The following GALC variants were observed in gnomAD, a reference collection of about 807,000 sequenced individuals.
GALC encodes the protein galactosylceramidase.
GALC carries 77 observed loss-of-function variants against 91.8 expected under a neutral mutation model. The ratio of observed to expected loss-of-function variants is 0.84; its 90% CI spans 0.70 to 1.01. GALC has a LOEUF of 1.01. Ranked by LOEUF, GALC falls within the 50% of genes least tolerant of loss-of-function variation. The probability of loss-of-function intolerance (pLI) is 0.00; values close to 1 mark genes in which losing one functional copy is unlikely to be tolerated. For missense variants in GALC, 882 were observed against 855.9 expected (o/e 1.03, Z -0.38); for synonymous variants, 357 against 306.7 (o/e 1.16, Z -1.71).
rs1015462273 is a variant in GALC at position 87,949,266 on chromosome 14, C to T, written c.1338+579G>A. On this transcript the variant is annotated intron_variant, in intron 12 of 16. Coordinates refer to ENST00000261304, the MANE Select transcript of GALC (RefSeq NM_000153.4). ...GTAAGTTTAGTATGTGAAGAGAGGCCAGTTTAGTAGGACACATCTCTAGGA... is the reference window on the plus strand; with the variant it reads ...GTAAGTTTAGTATGTGAAGAGAGGCTAGTTTAGTAGGACACATCTCTAGGA... 3.3e-5 allele frequency among the ~76,000 whole-genome samples: 5 copies of T among 151,922 alleles called. No individual in the cohort carries two copies. In the East Asian group the frequency reaches 9.7e-4, roughly 30 times the overall value.
chr14:87,992,541 A>T (rs1238446875), intron 1 of GALC: 2 of 1,524,962 alleles, frequency 1.3e-6, no homozygotes, highest in Non-Finnish European at 1.8e-6. Flanking sequence ...CAGCCAAAGC[A>T]TCCCACTGGG....
rs1256178934 is a variant in GALC, at chr14:87,988,193, G to A, written c.279C>T (p.Ala93=). 1 of 1,613,630 alleles carries A rather than the reference G, an allele frequency of 6.2e-7. No individual in the cohort carries two copies. ...TTTCCACTTTTAAAATATGCAAAGA[G>A]GCACCAAAATTCGGCTGTGAAAAGA... ...LDYLFKPNFG[A]SLHILKVEIG... The change falls in exon 3 of 17, where the codon GCC becomes GCT. Residue 93 remains alanine (A), a synonymous_variant. Transcript: ENST00000261304.
rs1288512171 is a variant in GALC at position 87,933,054 on chromosome 14, G to C, written c.*1678C>G. The C allele has an allele frequency of 6.6e-6, 1 of 152,076 alleles. No homozygotes were observed. Among genetic ancestry groups the C allele is most frequent in the Non-Finnish European group, 1.5e-5 (1 of 68,004 alleles). The allele number at this position is 152,076 out of a possible 1,614,324, so 9.4% of individuals were successfully genotyped here. ...GTTTTAATTGTAGTATCAGAAACTG[G>C]TGGGGAGGAAACAAATTGTGGTATA... On this transcript the variant is annotated 3_prime_UTR_variant, in exon 17 of 17. Transcript: ENST00000261304.
upstream of GALC, chr14:87,993,321 A>C (rs1409552689): frequency 1.3e-6 from 2 of 1,536,222 alleles, no homozygotes; most frequent in Admixed American, 2.0e-5. Flanking sequence ...GAAAAGAAGC[A>C]GCGAGCTTTT....
rs1014536691 is a variant in GALC at position 87,954,739 on chromosome 14, T to A, written c.1162-3991A>T. 3 of 1,563,972 alleles carry A rather than the reference T, an allele frequency of 1.9e-6. No homozygotes were observed. The African/African-American group carries it at 4.1e-5, about 21-fold the overall frequency. On this transcript the variant is annotated intron_variant, in intron 10 of 16. Transcript: ENST00000261304. ...AGAAGATAGCTCTAAATGCTCACAGTTCTCTGAAGAGTATTTCTTTTCTTC... is the reference window on the plus strand; with the variant it reads ...AGAAGATAGCTCTAAATGCTCACAGATCTCTGAAGAGTATTTCTTTTCTTC...
chr14:87,948,546 T>C (rs1885169110), intron 12 of GALC, among the ~76,000 whole-genome samples: 2 of 152,184 alleles, frequency 1.3e-5, no homozygotes, highest in South Asian at 4.1e-4. Context: ...AGTATCAAAG[T>C]TGTTCTATGC....
intron 7 of GALC, 80 bp from the exon 8 acceptor site, chr14:87,968,570 AAAAAT>A: frequency 7.4e-7 from 1 of 1,359,182 alleles, no homozygotes; most frequent in South Asian, 1.2e-5. Flanking sequence ...TTGAGTATAT[AAAAAT>A]ACGAGTCTTC....
intron 1 of GALC, chr14:87,989,704 T>G (rs1238226074): frequency 6.6e-6 from 1 of 152,198 alleles, no homozygotes; most frequent in Non-Finnish European, 1.5e-5. Flanking sequence ...ATAAGTGGTC[T>G]CAGGACATCC....
chr14:87,939,894 G>C lies in GALC; in HGVS notation c.1911+11C>G, dbSNP rs768512189. The C allele has an allele frequency of 3.2e-6, 5 of 1,576,492 alleles. No homozygotes were observed. In the South Asian group the frequency reaches 4.4e-5, roughly 14 times the overall value. ...GCATTTTACCTCCAGACTCCAATCAGCAATACTTACCTTAATAGTTAACGT... is the reference window on the plus strand; with the variant it reads ...GCATTTTACCTCCAGACTCCAATCACCAATACTTACCTTAATAGTTAACGT... On this transcript the variant is annotated intron_variant, in intron 16 of 16. Coordinates refer to ENST00000261304, the MANE Select transcript of GALC (RefSeq NM_000153.4).
At chr14:87,957,575 T>C (rs1322325084) in intron 10 of GALC, among the ~76,000 whole-genome samples, 3 of 152,162 alleles carry the variant, frequency 2.0e-5, no homozygotes, top group Admixed American at 6.5e-5. Context: ...GTTTTAAGTA[T>C]TTGGCTTTAT....
chr14:87,963,258 C>T (rs1885884943), intron 10 of GALC, 126 bp downstream of exon 10: 10 of 997,208 alleles, frequency 1.0e-5, no homozygotes, highest in African/African-American at 1.6e-5. Flanking sequence ...AAATGAAAGC[C>T]ATAAGATCTT....
intron 13 of GALC, among the ~76,000 whole-genome samples, 167 bp downstream of exon 13, chr14:87,947,561 T>C (rs1250184375): frequency 6.6e-6 from 1 of 152,054 alleles, no homozygotes; most frequent in Non-Finnish European, 1.5e-5. Context: ...AGATTTACCA[T>C]AAAGTAATGC....
intron 6 of GALC, among the ~76,000 whole-genome samples, chr14:87,979,361 C>T (rs373773784): frequency 5.3e-5 from 8 of 152,074 alleles, no homozygotes; most frequent in African/African-American, 1.4e-4. Context: ...AACACAGATC[C>T]CAATAAAATC....
At chr14:87,940,855 A>G (rs924399885) in intron 15 of GALC, among the ~76,000 whole-genome samples, 1 of 151,960 alleles carries the variant, frequency 6.6e-6, no homozygotes, top group African/African-American at 2.4e-5. Flanking sequence ...ACACAGTTCA[A>G]TCTGAACATA....
chr14:87,970,023 C>T lies in GALC; in HGVS notation c.753-1533G>A, dbSNP rs182556061. ...AAATCTAGCATCTAACAGGGTTAAG[C>T]AATCATTGTTCTGGAACTATAACGC... On this transcript the variant is annotated intron_variant, in intron 7 of 16. Transcript: ENST00000261304. Among the ~76,000 whole-genome samples, 312 of 152,290 alleles carry T rather than the reference C, an allele frequency of 2.0e-3. 1 individual carries two copies. The highest frequency in any genetic ancestry group is 7.3e-3 in the African/African-American group (304 of 41,576).
At chr14:87,943,763 A>G (rs978609989) in intron 14 of GALC, among the ~76,000 whole-genome samples, 6 of 152,058 alleles carry the variant, frequency 3.9e-5, no homozygotes, top group Non-Finnish European at 7.4e-5. Flanking sequence ...AAGTGGGCAC[A>G]GCAGCCAGAC....
At chr14:87,956,583 A>C (rs1471454659) in intron 10 of GALC, among the ~76,000 whole-genome samples, 1 of 119,522 alleles carries the variant, frequency 8.4e-6, no homozygotes. Flanking sequence ...ATACACACAC[A>C]CCATATATAT....
rs1010692296 is a variant in GALC, at chr14:87,940,764, G to A, written c.1834+631C>T. Among the ~76,000 whole-genome samples, 11 of 151,990 alleles carry A rather than the reference G, an allele frequency of 7.2e-5. No homozygotes were observed. In the South Asian group the frequency reaches 2.3e-3, roughly 31 times the overall value. ...TAAATTAAGGTAAGACGAAAGTCAA[G>A]AGACTGAGAATCAAGAAAAGTCACT... is the stretch of plus-strand genomic sequence containing the variant. On this transcript the variant is annotated intron_variant, in intron 15 of 16. Transcript: ENST00000261304.
intron 10 of GALC, chr14:87,952,603 T>A: frequency 6.7e-7 from 1 of 1,494,164 alleles, no homozygotes; most frequent in Non-Finnish European, 9.3e-7. Context: ...CGGAAAAAAA[T>A]TCAGCTTTTA....
Sources: gnomAD v4.1 joint callset for allele counts (sites outside exome capture counted in the v4.1 genomes callset) on GRCh38, gnomAD v4.1.1 for gene constraint, MANE v1.5 for transcripts, NCBI Gene and HGNC (gene_info 2026-07-23, HGNC 2026-07-21) for gene names.